Variants in BAIAP2 observed in about 807,000 individuals in gnomAD.
The protein encoded by BAIAP2 is BAR/IMD domain-containing adapter protein 2.
Under a neutral mutation model 63.0 loss-of-function variants are expected in BAIAP2, and 18 were observed. The observed-to-expected ratio is 0.29, with a 90% CI of 0.20 to 0.42. The LOEUF (loss-of-function observed/expected upper bound fraction) is 0.42. Ranked by LOEUF, BAIAP2 falls within the 10% of genes least tolerant of loss-of-function variation. The pLI, the probability that BAIAP2 is intolerant of heterozygous loss-of-function variation, is 1.00. For synonymous variants in BAIAP2, 386 were observed against 307.6 expected (o/e 1.25, Z -2.67); for missense variants, 610 against 734.3 (o/e 0.83, Z 1.96).
At chr17:81,080,568 T>A (rs1598677179) in intron 3 of BAIAP2, among the ~76,000 whole-genome samples, 1 of 151,000 alleles carries the variant, frequency 6.6e-6, no homozygotes, top group East Asian at 1.9e-4. Flanking sequence ...CTCCACATAC[T>A]CTTTTTCTTT....
At chr17:81,102,764 C>T (rs555393961) in intron 7 of BAIAP2, among the ~76,000 whole-genome samples, 65 of 152,278 alleles carry the variant, frequency 4.3e-4, no homozygotes, top group Admixed American at 6.5e-4. Context: ...GAGAGGCCCC[C>T]AGAGGTGCCA....
At chr17:81,108,709 C>G in intron 13 of BAIAP2, 200 bp downstream of exon 13, 1 of 855,956 alleles carries the variant, frequency 1.2e-6, no homozygotes, top group Non-Finnish European at 1.8e-6. Flanking sequence ...TGGGCCCTGC[C>G]CCTCTTTCAT....
chr17:81,056,852 TGCG>T (rs2049661445), intron 2 of BAIAP2, among the ~76,000 whole-genome samples: 1 of 151,798 alleles, frequency 6.6e-6, no homozygotes, highest in African/African-American at 2.4e-5. Context: ...TTTCTGCTGT[TGCG>T]TTTTTCTGCT....
At chr17:81,108,077 G>T in intron 12 of BAIAP2, 1 of 270,608 alleles carries the variant, frequency 3.7e-6, no homozygotes, top group Non-Finnish European at 7.0e-6. Context: ...CTGGTCCTGG[G>T]TCCTACAAGC....
Position 81,100,226 on chromosome 17 carries a change from G to A in BAIAP2, c.642+146G>A, listed in dbSNP as rs370660082. On this transcript the variant is annotated intron_variant, in intron 7 of 13. Coordinates refer to ENST00000428708, the MANE Select transcript of BAIAP2 (RefSeq NM_001144888.2). ...GTTTATTTCGGGTTTTCTTGGGGGT[G>A]AAGTTCTGGGAGAATTACCAGGTCA... 7 of 1,216,314 alleles carry A rather than the reference G, an allele frequency of 5.8e-6. No individual in the cohort carries two copies. The East Asian group carries it at 1.9e-4, about 33-fold the overall frequency. 75.3% of individuals were successfully genotyped at this position (1,216,314 alleles called of 1,614,324 possible).
chr17:81,100,232 C>T (rs2058303139), intron 7 of BAIAP2, 152 bp downstream of exon 7: 1 of 1,194,232 alleles, frequency 8.4e-7, no homozygotes, highest in Middle Eastern at 2.9e-4. Context: ...GGGTGAAGTT[C>T]TGGGAGAATT....
intron 13 of BAIAP2, among the ~76,000 whole-genome samples, chr17:81,115,299 G>A (rs543383830): frequency 1.3e-5 from 2 of 152,358 alleles, no homozygotes; most frequent in South Asian, 2.1e-4. Context: ...TGCCTTCTCT[G>A]GATGCCCCCA....
At chr17:81,040,050 C>T (rs149639545) in intron 1 of BAIAP2, among the ~76,000 whole-genome samples, 1 of 151,380 alleles carries the variant, frequency 6.6e-6, no homozygotes, top group Non-Finnish European at 1.5e-5. Context: ...CCCTCTCTGC[C>T]AGCTGCCCTG....
At chr17:81,050,415 G>A (rs968545789) in intron 1 of BAIAP2, among the ~76,000 whole-genome samples, 2 of 152,292 alleles carry the variant, frequency 1.3e-5, no homozygotes, top group South Asian at 2.1e-4. Flanking sequence ...CTAAGGAAGC[G>A]AAACCTTGGT....
intron 13 of BAIAP2, chr17:81,109,995 G>A (rs750729704): frequency 2.7e-5 from 27 of 985,360 alleles, no homozygotes; most frequent in East Asian, 2.3e-4. Context: ...AAACGCTCTC[G>A]TCTTTTTGTG....
At chr17:81,045,123 G>A (rs778418606) in intron 1 of BAIAP2, among the ~76,000 whole-genome samples, 12 of 152,220 alleles carry the variant, frequency 7.9e-5, no homozygotes, top group Non-Finnish European at 1.8e-4. Context: ...TGCGTGCAAG[G>A]CCCCACGTGT....
At chr17:81,078,692 C>T (rs57597946) in intron 3 of BAIAP2, among the ~76,000 whole-genome samples, 33,764 of 150,680 alleles carry the variant, frequency 0.22, 4,248 homozygotes, top group East Asian at 0.48. Context: ...GGGAGCTGGG[C>T]GTGTTTGCGG....
Position 81,057,991 on chromosome 17 carries a change from CCTG to C in BAIAP2, c.217+25_217+27del, listed in dbSNP as rs1181922513. Reference sequence around the variant, plus strand: ...CGGTGAGACCCCCCCCCCCCCCCCGCCTGGTAGTCGCCTGATGCCCTCAGGCAG... The same window carrying C: ...CGGTGAGACCCCCCCCCCCCCCCCGCGTAGTCGCCTGATGCCCTCAGGCAG... On this transcript the variant is annotated intron_variant, in intron 3 of 13. Coordinates refer to ENST00000428708, the MANE Select transcript of BAIAP2 (RefSeq NM_001144888.2). 3,223 of 964,108 alleles carry C rather than the reference CCTG, an allele frequency of 3.3e-3. 88 individuals carry two copies. The highest frequency in any genetic ancestry group is 5.4e-3 in the East Asian group (133 of 24,806). The allele number at this position is 964,108 out of a possible 1,614,324, so 59.7% of individuals were successfully genotyped here.
At chr17:81,045,439 T>G (rs2047670095) in intron 1 of BAIAP2, among the ~76,000 whole-genome samples, 1 of 152,124 alleles carries the variant, frequency 6.6e-6, no homozygotes, top group Non-Finnish European at 1.5e-5. Flanking sequence ...TCATGGTCCC[T>G]GTCCTGGGAC....
intron 13 of BAIAP2, chr17:81,110,774 C>T (rs56084168): frequency 0.16 from 197,950 of 1,277,034 alleles, 17,495 homozygotes; most frequent in Admixed American, 0.36. Flanking sequence ...CAGGGAGAGC[C>T]AGAGCCCCAG....
intron 3 of BAIAP2, among the ~76,000 whole-genome samples, chr17:81,079,600 A>G (rs1027585669): frequency 1.3e-5 from 2 of 152,014 alleles, no homozygotes; most frequent in Admixed American, 1.3e-4. Context: ...CTGACCCATC[A>G]GCCTGGGTGC....
In BAIAP2 at chr17:81,099,931, A is replaced by G. The variant is rs1234391673; in HGVS notation, c.493A>G (p.Ile165Val). The G allele has an allele frequency of 1.2e-6, 2 of 1,612,940 alleles. No homozygotes were observed. The highest frequency in any genetic ancestry group is 1.7e-6 in the Non-Finnish European group (2 of 1,179,772). ...QKYSDKELQYIDAISNKQGEL... is the reference protein window; with the variant it reads ...QKYSDKELQYVDAISNKQGEL... ...CTTTCTCCCTTTCCCTCCACAGTACATCGACGCCATCAGCAACAAGCAGGG... is the reference window on the plus strand; with the variant it reads ...CTTTCTCCCTTTCCCTCCACAGTACGTCGACGCCATCAGCAACAAGCAGGG... Residue 165 changes from isoleucine (I) to valine (V), a missense_variant, in exon 7 of 14, where the codon ATC (isoleucine) becomes GTC (valine). Ile to Val is a conservative substitution (Grantham distance 29). Around this residue, in one of 5 missense-constraint regions of BAIAP2, gnomAD observed 389 missense variants for 455.6 expected, o/e 0.85. Coordinates refer to ENST00000428708, the MANE Select transcript of BAIAP2 (RefSeq NM_001144888.2).
rs998174164 is a variant in BAIAP2, at chr17:81,108,434, C to T, written c.1501-41C>T. On this transcript the variant is annotated intron_variant, in intron 12 of 13. Transcript: ENST00000428708. The stretch of plus-strand genomic sequence containing the variant: ...GGCAGCGGGTGGGGGTGACCACAGG[C>T]CCCGTCACCCGGCCTGACATGTTTC... 7 of 1,610,348 alleles carry T rather than the reference C, an allele frequency of 4.3e-6. No homozygotes were observed. In the African/African-American group the frequency reaches 8.0e-5, roughly 18 times the overall value.
At chr17:81,037,001 C>G (rs1207446654) in intron 1 of BAIAP2, 100 of 1,488,278 alleles carry the variant, frequency 6.7e-5, no homozygotes, top group Non-Finnish European at 8.8e-5. Context: ...GGACCGACCC[C>G]GTGATCGTCC....
Sources: allele counts gnomAD v4.1 joint callset (sites outside exome capture counted in the v4.1 genomes callset), GRCh38; gene constraint gnomAD v4.1.1; regional missense constraint gnomAD v4.1.1; transcripts MANE v1.5; gene names NCBI Gene and HGNC (gene_info 2026-07-23, HGNC 2026-07-21).